The following PSMD14 variants were observed in gnomAD, a reference collection of about 807,000 sequenced individuals.
PSMD14 encodes proteasome 26S subunit, non-ATPase 14, also known as ubiquitin C-terminal hydrolase PSMD14.
Under a neutral mutation model 41.2 loss-of-function variants are expected in PSMD14, and 7 were observed. That is an observed-to-expected ratio of 0.17 (90% CI 0.10 to 0.32). The LOEUF is 0.32. Ranked by LOEUF, PSMD14 falls within the 10% of genes least tolerant of loss-of-function variation. The pLI, the probability that PSMD14 is intolerant of heterozygous loss-of-function variation, is 1.00. For synonymous variants in PSMD14, 114 were observed against 122.3 expected (o/e 0.93, Z 0.45); for missense variants, 139 against 375.6 (o/e 0.37, Z 5.21).
At chr2:161,356,655 AT>A (rs1322669133) in intron 3 of PSMD14, among the ~76,000 whole-genome samples, 1 of 151,992 alleles carries the variant, frequency 6.6e-6, no homozygotes, top group African/African-American at 2.4e-5. Flanking sequence ...TAAAGCATAT[AT>A]TTTAACAGAC....
intron 3 of PSMD14, among the ~76,000 whole-genome samples, chr2:161,327,130 A>G (rs1301419116): frequency 1.3e-5 from 2 of 152,198 alleles, no homozygotes; most frequent in Non-Finnish European, 2.9e-5. Context: ...GACAAATGTT[A>G]TATGATTCCA....
chr2:161,357,922 G>A (rs1209864592), intron 3 of PSMD14, among the ~76,000 whole-genome samples: 1 of 148,064 alleles, frequency 6.8e-6, no homozygotes, highest in African/African-American at 2.5e-5. Flanking sequence ...TTTTAATGGT[G>A]GTGAAACAGT....
At chr2:161,355,576 G>A (rs931955243) in intron 3 of PSMD14, among the ~76,000 whole-genome samples, 5 of 151,326 alleles carry the variant, frequency 3.3e-5, no homozygotes, top group African/African-American at 1.2e-4. Flanking sequence ...TTCTTTTAAA[G>A]AATTAATGCA....
At chr2:161,387,435 T>C (rs1177337043) in intron 8 of PSMD14, among the ~76,000 whole-genome samples, 1 of 151,960 alleles carries the variant, frequency 6.6e-6, no homozygotes, top group Non-Finnish European at 1.5e-5. Flanking sequence ...GCCTTGCTCC[T>C]AAACCAGCTT....
intron 10 of PSMD14, among the ~76,000 whole-genome samples, chr2:161,406,319 CTG>C (rs2105273128): frequency 6.6e-6 from 1 of 152,260 alleles, no homozygotes; most frequent in East Asian, 1.9e-4. Flanking sequence ...TGTTGATAAA[CTG>C]TTAAAAACGT....
At chr2:161,365,242 A>G (rs1457011901) in intron 3 of PSMD14, among the ~76,000 whole-genome samples, 1 of 152,226 alleles carries the variant, frequency 6.6e-6, no homozygotes. Context: ...AATCAGAAGA[A>G]AGGCCACTGA....
At chr2:161,404,993 C>T (rs763212303) in intron 10 of PSMD14, among the ~76,000 whole-genome samples, 2 of 152,182 alleles carry the variant, frequency 1.3e-5, no homozygotes, top group African/African-American at 2.4e-5. Flanking sequence ...TTATCATCTC[C>T]ACTGTCTGAG....
intron 2 of PSMD14, among the ~76,000 whole-genome samples, chr2:161,318,449 A>T (rs780885582): frequency 1.3e-4 from 20 of 152,174 alleles, no homozygotes; most frequent in Non-Finnish European, 2.6e-4. Flanking sequence ...ACTCTGGACC[A>T]ATTGAAGGAA....
At chr2:161,315,283 T>C (rs557348279) in intron 1 of PSMD14, among the ~76,000 whole-genome samples, 4 of 152,356 alleles carry the variant, frequency 2.6e-5, no homozygotes, top group Non-Finnish European at 5.9e-5. Context: ...TATCTGGTCC[T>C]GAATATCAGT....
chr2:161,349,409 A>G (rs1683087503), intron 3 of PSMD14, among the ~76,000 whole-genome samples: 1 of 152,216 alleles, frequency 6.6e-6, no homozygotes, highest in East Asian at 1.9e-4. Context: ...TGAGATAGTG[A>G]GTCAAAAATA....
At chr2:161,406,838 T>C (rs1006375538) in intron 10 of PSMD14, among the ~76,000 whole-genome samples, 1 of 152,168 alleles carries the variant, frequency 6.6e-6, no homozygotes, top group Non-Finnish European at 1.5e-5. Context: ...GTAAAGTGGG[T>C]AAATTATGTA....
chr2:161,391,317 A>G (rs1263085649), intron 9 of PSMD14, 139 bp downstream of exon 9: 16 of 919,132 alleles, frequency 1.7e-5, no homozygotes, highest in East Asian at 1.2e-4. Context: ...GATGAATTGC[A>G]GCACAAAATA....
intron 3 of PSMD14, among the ~76,000 whole-genome samples, chr2:161,321,300 G>A (rs946445260): frequency 1.3e-5 from 2 of 152,152 alleles, no homozygotes; most frequent in Non-Finnish European, 2.9e-5. Context: ...ATATGATTGA[G>A]AGTTCCTTAA....
chr2:161,334,229 A>G (rs1682835669), intron 3 of PSMD14, among the ~76,000 whole-genome samples: 1 of 151,154 alleles, frequency 6.6e-6, no homozygotes, highest in Admixed American at 6.6e-5. Context: ...CCAACTACTC[A>G]GGAGGCTGAG....
chr2:161,358,845 G>A (rs1009586390), intron 3 of PSMD14, among the ~76,000 whole-genome samples: 5 of 152,196 alleles, frequency 3.3e-5, no homozygotes, highest in African/African-American at 1.2e-4. Context: ...GGAGGCTGAG[G>A]CAAGAGAGTC....
intron 3 of PSMD14, among the ~76,000 whole-genome samples, chr2:161,353,523 G>GTC (rs1683149617): frequency 1.3e-5 from 2 of 152,132 alleles, no homozygotes; most frequent in African/African-American, 4.8e-5. Flanking sequence ...CTGCCTTTCA[G>GTC]TGTGTCATTT....
chr2:161,342,883 G>A (rs1476057199), intron 3 of PSMD14, among the ~76,000 whole-genome samples: 1 of 151,020 alleles, frequency 6.6e-6, no homozygotes, highest in African/African-American at 2.4e-5. Flanking sequence ...TTTGCTTTAG[G>A]GTTTATAGTA....
At chr2:161,325,380 A>AT (rs1318421296) in intron 3 of PSMD14, among the ~76,000 whole-genome samples, 2 of 152,148 alleles carry the variant, frequency 1.3e-5, no homozygotes, top group South Asian at 2.1e-4. Context: ...CAGTGTATGG[A>AT]TTTTTTGTAT....
At chr2:161,354,775 C>T (rs916703661) in intron 3 of PSMD14, among the ~76,000 whole-genome samples, 3 of 152,168 alleles carry the variant, frequency 2.0e-5, no homozygotes, top group African/African-American at 7.2e-5. Context: ...CATAGTTAGG[C>T]ATTGTGCACT....
Sources: allele counts gnomAD v4.1 joint callset (sites outside exome capture counted in the v4.1 genomes callset), GRCh38; gene constraint gnomAD v4.1.1; transcripts MANE v1.5; gene names NCBI Gene and HGNC (gene_info 2026-07-23, HGNC 2026-07-21).